Variants in AFG1L observed in about 807,000 individuals in gnomAD.
The protein encoded by AFG1L is AFG1-like ATPase.
In AFG1L, 53 loss-of-function variants were observed where a neutral mutation model predicts 62.2. The observed-to-expected ratio is 0.85, with a 90% CI of 0.68 to 1.07. AFG1L has a LOEUF of 1.07. Ranked by LOEUF, AFG1L falls within the 50% of genes least tolerant of loss-of-function variation. The pLI, the probability that AFG1L is intolerant of heterozygous loss-of-function variation, is 0.00. For synonymous variants in AFG1L, 228 were observed against 210.3 expected, an observed-to-expected ratio of 1.08 and a Z score of -0.73; for missense variants, 555 against 590.5, an observed-to-expected ratio of 0.94 and a Z score of 0.62.
At chr6:108,463,503 A>G (rs965229304) in intron 8 of AFG1L, among the ~76,000 whole-genome samples, 6 of 151,432 alleles carry the variant, frequency 4.0e-5, no homozygotes, top group Non-Finnish European at 8.8e-5. Context: ...TTGCAATTCT[A>G]GATGTCATGG....
chr6:108,433,712 C>T (rs1463873179), intron 7 of AFG1L, among the ~76,000 whole-genome samples: 1 of 152,086 alleles, frequency 6.6e-6, no homozygotes, highest in Non-Finnish European at 1.5e-5. Flanking sequence ...CCTGCCTCGG[C>T]TTTCTGAGTA....
At chr6:108,517,753 A>G (rs1774960835) in intron 11 of AFG1L, among the ~76,000 whole-genome samples, 1 of 152,216 alleles carries the variant, frequency 6.6e-6, no homozygotes, top group African/African-American at 2.4e-5. Context: ...CAATCTACTC[A>G]TCTGACAAAG....
At chr6:108,472,416 G>A (rs1582634836) in intron 8 of AFG1L, among the ~76,000 whole-genome samples, 1 of 152,206 alleles carries the variant, frequency 6.6e-6, no homozygotes, top group East Asian at 1.9e-4. Flanking sequence ...AAAGGTAACT[G>A]AGATGATGGA....
At chr6:108,341,357 T>C (rs1334491476) in intron 2 of AFG1L, among the ~76,000 whole-genome samples, 2 of 152,226 alleles carry the variant, frequency 1.3e-5, no homozygotes, top group Non-Finnish European at 2.9e-5. Context: ...CTAATTGTAT[T>C]GTTCAGATCT....
intron 7 of AFG1L, among the ~76,000 whole-genome samples, chr6:108,422,497 A>AAAAAAAAAAAAAAAAAAG (rs1554196482): frequency 6.8e-5 from 10 of 147,820 alleles, no homozygotes; most frequent in African/African-American, 1.0e-4. Context: ...AAAAAAAAAA[A>AAAAAAAAAAAAAAAAAAG]AAGAAGAAGA....
chr6:108,505,586 T>TA (rs397954639), intron 10 of AFG1L, among the ~76,000 whole-genome samples: 71 of 151,902 alleles, frequency 4.7e-4, no homozygotes, highest in African/African-American at 1.7e-3. Context: ...GAACTTTTTT[T>TA]AAAAAAAAGT....
At chr6:108,385,416 A>G (rs890779647) in intron 6 of AFG1L, among the ~76,000 whole-genome samples, 1 of 152,268 alleles carries the variant, frequency 6.6e-6, no homozygotes, top group Non-Finnish European at 1.5e-5. Context: ...TGCCTTAAGG[A>G]CATGTTCTTG....
At chr6:108,428,228 A>G (rs926679827) in intron 7 of AFG1L, among the ~76,000 whole-genome samples, 3 of 152,142 alleles carry the variant, frequency 2.0e-5, no homozygotes, top group African/African-American at 7.2e-5. Flanking sequence ...GAGTTACTTC[A>G]CTTGGAATAA....
chr6:108,346,634 C>T (rs1450336912), intron 2 of AFG1L, among the ~76,000 whole-genome samples: 1 of 152,168 alleles, frequency 6.6e-6, no homozygotes, highest in African/African-American at 2.4e-5. Context: ...TCCCAAAGTG[C>T]TCAGATTATA....
rs552878210 is a variant in AFG1L, at chr6:108,416,645, A to G, written c.807+14591A>G. ...TGTAGGGACATGGATGAAGCTGGAA[A>G]CCATCATTCTGAGCAAATTATCATA... On this transcript the variant is annotated intron_variant, in intron 7 of 12. Coordinates refer to ENST00000368977, the MANE Select transcript of AFG1L (RefSeq NM_145315.5). Among the ~76,000 whole-genome samples, 6 of 152,266 alleles carry G rather than the reference A, an allele frequency of 3.9e-5. No individual in the cohort carries two copies. In the South Asian group the frequency reaches 1.2e-3, roughly 32 times the overall value.
intron 11 of AFG1L, among the ~76,000 whole-genome samples, chr6:108,519,031 A>G (rs1224242802): frequency 1.3e-5 from 2 of 152,206 alleles, no homozygotes; most frequent in Non-Finnish European, 2.9e-5. Context: ...ACAAAATACC[A>G]TGGTCTGGGT....
chr6:108,403,344 T>C (rs550919044), intron 7 of AFG1L, among the ~76,000 whole-genome samples: 1 of 152,288 alleles, frequency 6.6e-6, no homozygotes, highest in East Asian at 1.9e-4. Context: ...CCTTCAGACA[T>C]GCTAAAGACA....
chr6:108,399,274 G>A (rs1224434363), intron 6 of AFG1L, among the ~76,000 whole-genome samples: 29 of 125,204 alleles, frequency 2.3e-4, no homozygotes, highest in African/African-American at 7.7e-4. Context: ...TGCAACCTCC[G>A]CCTCCTGGGT....
At chr6:108,432,912 G>A (rs576553379) in intron 7 of AFG1L, among the ~76,000 whole-genome samples, 15 of 152,330 alleles carry the variant, frequency 9.8e-5, no homozygotes, top group South Asian at 2.1e-4. Context: ...CCCTGCCACT[G>A]GCATTGGTTC....
At chr6:108,369,947 GCTATCTAT>G (rs1312272545) in intron 6 of AFG1L, among the ~76,000 whole-genome samples, 3 of 130,154 alleles carry the variant, frequency 2.3e-5, no homozygotes, top group African/African-American at 8.9e-5. Flanking sequence ...TGGCTGGCTG[GCTATCTAT>G]CTATCTATCT....
chr6:108,329,521 A>G (rs934910010), intron 2 of AFG1L, among the ~76,000 whole-genome samples: 1 of 150,702 alleles, frequency 6.6e-6, no homozygotes, highest in Non-Finnish European at 1.5e-5. Flanking sequence ...CTGTTCTCGA[A>G]CTCCTGACCT....
intron 1 of AFG1L, among the ~76,000 whole-genome samples, chr6:108,310,564 A>G (rs1582566584): frequency 7.0e-6 from 1 of 141,874 alleles, no homozygotes. Flanking sequence ...TGTGGGTTGT[A>G]TTTTCACCTT....
At chr6:108,355,064 T>C (rs1012600535) in intron 3 of AFG1L, among the ~76,000 whole-genome samples, 2 of 152,112 alleles carry the variant, frequency 1.3e-5, no homozygotes, top group African/African-American at 4.8e-5. Context: ...ATGTTCAATA[T>C]TTATGTTAGA....
chr6:108,494,030 A>G (rs1769157672), intron 10 of AFG1L, among the ~76,000 whole-genome samples: 3 of 152,002 alleles, frequency 2.0e-5, no homozygotes, highest in East Asian at 1.9e-4. Context: ...GGGTTTTGTC[A>G]TATTGGCCAG....
Sources: allele counts gnomAD v4.1 joint callset (sites outside exome capture counted in the v4.1 genomes callset), GRCh38; gene constraint gnomAD v4.1.1; transcripts MANE v1.5; gene names NCBI Gene and HGNC (gene_info 2026-07-23, HGNC 2026-07-21).